Variants in DCC observed in about 807,000 individuals in gnomAD.
DCC encodes the protein netrin receptor DCC.
DCC carries 58 observed loss-of-function variants against 172.5 expected under a neutral mutation model. That is an observed-to-expected ratio of 0.34 (90% CI 0.27 to 0.42). DCC has a LOEUF of 0.42. DCC is among the 10% of genes least tolerant of loss of function. The pLI is 1.00. For synonymous variants in DCC, 709 were observed against 644.5 expected (o/e 1.10, Z -1.52); for missense variants, 1,740 against 1,791.0 (o/e 0.97, Z 0.51).
intron 1 of DCC, among the ~76,000 whole-genome samples, chr18:52,601,485 T>A (rs1413991449): frequency 6.6e-6 from 1 of 152,100 alleles, no homozygotes; most frequent in Admixed American, 6.6e-5. Context: ...CCTCTATGTA[T>A]CTTGACTTCT....
At chr18:53,036,816 T>C (rs910372692) in intron 5 of DCC, among the ~76,000 whole-genome samples, 1 of 151,976 alleles carries the variant, frequency 6.6e-6, no homozygotes, top group Non-Finnish European at 1.5e-5. Context: ...TTGGAACACA[T>C]CTGTTTGCAA....
chr18:52,990,504 C>T (rs951334380), intron 5 of DCC, among the ~76,000 whole-genome samples: 3 of 124,816 alleles, frequency 2.4e-5, no homozygotes, highest in Non-Finnish European at 4.8e-5. Flanking sequence ...TGCAACATTG[C>T]ACTCCACCCT....
chr18:52,532,386 A>G (rs996546680), intron 1 of DCC, among the ~76,000 whole-genome samples: 10 of 152,152 alleles, frequency 6.6e-5, no homozygotes, highest in African/African-American at 2.4e-4. Context: ...AATTTTACCA[A>G]AATAAGTTCA....
intron 21 of DCC, among the ~76,000 whole-genome samples, chr18:53,420,986 A>G (rs1056669800): frequency 2.6e-5 from 4 of 152,108 alleles, no homozygotes; most frequent in African/African-American, 9.7e-5. Context: ...AATGGTTACT[A>G]TATTTAAACA....
chr18:52,433,714 G>A (rs1029591430), intron 1 of DCC, among the ~76,000 whole-genome samples: 1 of 152,042 alleles, frequency 6.6e-6, no homozygotes, highest in African/African-American at 2.4e-5. Flanking sequence ...ATGTAACTCT[G>A]GATTCCCCTT....
At chr18:53,257,540 C>G (rs1485546960) in intron 12 of DCC, among the ~76,000 whole-genome samples, 1 of 152,136 alleles carries the variant, frequency 6.6e-6, no homozygotes, top group Non-Finnish European at 1.5e-5. Flanking sequence ...GTTGAACCAG[C>G]CTTGCATCCC....
chr18:53,421,271 T>C (rs886195921), intron 21 of DCC, among the ~76,000 whole-genome samples: 1 of 152,220 alleles, frequency 6.6e-6, no homozygotes, highest in Non-Finnish European at 1.5e-5. Context: ...CTTTCATGTG[T>C]GTTTCTACGT....
chr18:53,148,908 G>C (rs989615825), intron 7 of DCC, among the ~76,000 whole-genome samples: 1 of 120,582 alleles, frequency 8.3e-6, no homozygotes, highest in Non-Finnish European at 1.8e-5. Flanking sequence ...CTGTTGCCCA[G>C]GCTGGAGTGC....
rs74401127 is a variant in DCC, at chr18:52,936,069, A to G, written c.985+10699A>G. On this transcript the variant is annotated intron_variant, in intron 5 of 28. Coordinates refer to ENST00000442544, the MANE Select transcript of DCC (RefSeq NM_005215.4). ...ATGAGTTAAGAGAGTTTTTGTATGT[A>G]GGGTTTTGATCCTAAATGTAGGATA... is the stretch of plus-strand genomic sequence containing the variant. 4.1e-4 allele frequency among the ~76,000 whole-genome samples: 63 copies of G among 152,204 alleles called. 2 individuals are homozygous for G. In the East Asian group the frequency reaches 9.5e-3, roughly 23 times the overall value.
intron 1 of DCC, among the ~76,000 whole-genome samples, chr18:52,348,700 G>A (rs1418590857): frequency 6.6e-6 from 1 of 152,094 alleles, no homozygotes; most frequent in Admixed American, 6.5e-5. Context: ...TTTGCTTTTA[G>A]GCATAGATGT....
chr18:53,354,031 C>T (rs1243828049), intron 15 of DCC, among the ~76,000 whole-genome samples: 12 of 152,194 alleles, frequency 7.9e-5, no homozygotes, highest in East Asian at 3.9e-4. Context: ...TCTGTCCTTG[C>T]GATAGTTTGC....
intron 2 of DCC, among the ~76,000 whole-genome samples, chr18:52,783,430 C>T (rs1008226795): frequency 1.5e-5 from 2 of 137,652 alleles, no homozygotes; most frequent in Non-Finnish European, 3.0e-5. Flanking sequence ...TTAATCTTGG[C>T]ATCCACAGGT....
chr18:52,927,410 C>G (rs8092664), intron 5 of DCC, among the ~76,000 whole-genome samples: 39,968 of 151,302 alleles, frequency 0.26, 5,478 homozygotes, highest in Admixed American at 0.33. Context: ...ATAATTATTT[C>G]CACTACAGGC....
intron 1 of DCC, among the ~76,000 whole-genome samples, chr18:52,744,011 G>A (rs914659001): frequency 6.6e-6 from 1 of 152,196 alleles, no homozygotes; most frequent in Non-Finnish European, 1.5e-5. Flanking sequence ...GAGGAGCACA[G>A]TAGGAATTTA....
chr18:53,181,596 T>A (rs992312528), intron 9 of DCC, among the ~76,000 whole-genome samples: 8 of 152,146 alleles, frequency 5.3e-5, no homozygotes, highest in African/African-American at 1.9e-4. Flanking sequence ...TTTTTTTGTA[T>A]CACACATATG....
At chr18:52,685,119 A>G (rs2035809584) in intron 1 of DCC, among the ~76,000 whole-genome samples, 1 of 152,166 alleles carries the variant, frequency 6.6e-6, no homozygotes, top group Admixed American at 6.6e-5. Flanking sequence ...CCAACACAAT[A>G]GAATTGAACA....
intron 5 of DCC, among the ~76,000 whole-genome samples, chr18:53,022,828 T>G (rs1362041852): frequency 6.6e-6 from 1 of 151,872 alleles, no homozygotes; most frequent in African/African-American, 2.4e-5. Context: ...TGTAAAAAAA[T>G]CCTGAAAATG....
rs538985459 is a variant in DCC at position 53,479,959 on chromosome 18, T to C, written c.3737-6838T>C. Among the ~76,000 whole-genome samples the C allele has an allele frequency of 9.8e-5, 15 of 152,294 alleles. No individual in the cohort carries two copies. The East Asian group carries it at 2.9e-3, about 29-fold the overall frequency. ...ATTCACAATTTGTTGTGGAAATCTT[T>C]CTGGTCTGCTTAGAAAAGAATACTG... On this transcript the variant is annotated intron_variant, in intron 25 of 28. Transcript: ENST00000442544.
chr18:52,887,895 T>C (rs1367143546), intron 2 of DCC, among the ~76,000 whole-genome samples: 1 of 152,168 alleles, frequency 6.6e-6, no homozygotes, highest in East Asian at 1.9e-4. Flanking sequence ...AGACCTTTCT[T>C]ATGGTTTTCA....
Sources: allele counts gnomAD v4.1 joint callset (sites outside exome capture counted in the v4.1 genomes callset), GRCh38; gene constraint gnomAD v4.1.1; transcripts MANE v1.5; gene names NCBI Gene and HGNC (gene_info 2026-07-23, HGNC 2026-07-21).